Variants in FBXL3 observed in about 807,000 individuals in gnomAD.
The protein encoded by FBXL3 is F-box/LRR-repeat protein 3.
Under a neutral mutation model 37.9 loss-of-function variants are expected in FBXL3, and 14 were observed. The observed-to-expected ratio is 0.37, with a 90% CI of 0.24 to 0.58. The LOEUF is 0.58. Among genes scored for constraint, FBXL3 ranks in the 20% least tolerant of loss-of-function variants. FBXL3 has a pLI of 0.74. For missense variants in FBXL3, 327 were observed against 511.1 expected, an observed-to-expected ratio of 0.64 and a Z score of 3.47; for synonymous variants, 194 against 180.1, an observed-to-expected ratio of 1.08 and a Z score of -0.62.
At chr13:77,010,511 A>T (rs564813128) in intron 4 of FBXL3, 2 of 152,346 alleles carry the variant, frequency 1.3e-5, no homozygotes, top group East Asian at 3.9e-4. Flanking sequence ...AGCCCCTTTT[A>T]AAGCAGTTTC....
chr13:77,009,867 T>C (rs1490341827), intron 4 of FBXL3: 1 of 152,132 alleles, frequency 6.6e-6, no homozygotes, highest in Non-Finnish European at 1.5e-5. Context: ...TGCCCATCAA[T>C]GATAGACTAA....
In FBXL3 at chr13:77,007,134, T is replaced by C. The variant is rs545836683; in HGVS notation, c.*11A>G. 9 of 1,586,374 alleles carry C rather than the reference T, an allele frequency of 5.7e-6. No individual in the cohort carries two copies. Among genetic ancestry groups the C allele is most frequent in the Non-Finnish European group, 5.2e-6 (6 of 1,164,924 alleles). ...TTGCTTGAAATTAAGGTGCTATTCA[T>C]CATGCAGTTTTTACCAAGTGGGCAT... On this transcript the variant is annotated 3_prime_UTR_variant, in exon 5 of 5. Transcript: ENST00000355619.
rs2034626524 is a variant in FBXL3 at position 77,015,464 on chromosome 13, A to G, written c.588T>C (p.Asn196=). Residue 196 remains asparagine, a synonymous_variant, in exon 4 of 5, where the codon AAT becomes AAC. Coordinates refer to ENST00000355619, the MANE Select transcript of FBXL3 (RefSeq NM_012158.4). ...DPSLKVLVAN[N]SDTLKLLKMS... is the part of the protein sequence containing the mutation. ...TTTTCAACAGCTTGAGTGTATCACT[A>G]TTGTTGGCCACTAGTACTTTGAGAG... 6.2e-7 allele frequency: 1 copy of G among 1,607,192 alleles called. No homozygotes were observed. The highest frequency in any genetic ancestry group is 1.3e-5 in the African/African-American group (1 of 74,584).
Position 77,021,537 on chromosome 13 carries a change from G to A in FBXL3, c.324C>T (p.Asn108=). 1 of 1,612,944 alleles carries A rather than the reference G, an allele frequency of 6.2e-7. No individual in the cohort carries two copies. The highest frequency in any genetic ancestry group is 8.5e-7 in the Non-Finnish European group (1 of 1,179,080). ...LIKQIIKRHS[N]HLQYVSFKVD... is the part of the protein sequence containing the mutation. Reference sequence around the variant, plus strand: ...CCTTGAAGCTGACATATTGTAGATGGTTTGAATGTCTTTTAATAATCTGTT... The same window carrying A: ...CCTTGAAGCTGACATATTGTAGATGATTTGAATGTCTTTTAATAATCTGTT... Residue 108 remains asparagine, a synonymous_variant, in exon 2 of 5, where the codon AAC becomes AAT. Transcript: ENST00000355619.
chr13:77,016,009 A>T (rs1367583396), intron 3 of FBXL3: 3 of 152,380 alleles, frequency 2.0e-5, no homozygotes, highest in African/African-American at 4.8e-5. Context: ...ATCATTAAAA[A>T]TTAATAATTT....
At chr13:77,014,278 C>G (rs967680917) in intron 4 of FBXL3, 1 of 152,232 alleles carries the variant, frequency 6.6e-6, no homozygotes, top group African/African-American at 2.4e-5. Context: ...CGTGAGTGAC[C>G]AGCAAGAGAC....
At chr13:77,019,165 A>C (rs1454884977) in intron 2 of FBXL3, 1 of 152,468 alleles carries the variant, frequency 6.6e-6, no homozygotes, top group African/African-American at 2.4e-5. Context: ...AAAACTAAGT[A>C]TTTACTCAAA....
intron 2 of FBXL3, among the ~76,000 whole-genome samples, chr13:77,019,753 A>G (rs1239267239): frequency 6.6e-6 from 1 of 152,170 alleles, no homozygotes; most frequent in East Asian, 1.9e-4. Context: ...TCCTTGGTCT[A>G]TAATCAGTGA....
At chr13:77,024,357 C>T (rs1458837447) in intron 1 of FBXL3, among the ~76,000 whole-genome samples, 12 of 152,144 alleles carry the variant, frequency 7.9e-5, no homozygotes, top group Admixed American at 7.9e-4. Flanking sequence ...CCTAAAACTA[C>T]TCACAATTTT....
chr13:77,025,687 C>CAAAAAAA lies in FBXL3; in HGVS notation c.-2+1133_-2+1139dup, dbSNP rs35934318. Among the ~76,000 whole-genome samples, 41 of 73,956 alleles carry CAAAAAAA rather than the reference C, an allele frequency of 5.5e-4. 2 individuals are homozygous for CAAAAAAA. The highest frequency in any genetic ancestry group is 4.7e-3 in the East Asian group (10 of 2,134). The allele number at this position is 73,956 out of a possible 152,430, so 48.5% of individuals were successfully genotyped here. A position where few individuals can be genotyped will look rare whatever the true frequency, so the allele number is the denominator to read the frequency against. On this transcript the variant is annotated intron_variant, in intron 1 of 4. Coordinates refer to ENST00000355619, the MANE Select transcript of FBXL3 (RefSeq NM_012158.4). The stretch of plus-strand genomic sequence containing the variant: ...TGGGTGACAAAGTGAGTCCTTGTCT[C>CAAAAAAA]AAAAAAAAAAAAAAAAAAAAAAAAA...
At chr13:77,012,535 ATAAT>A (rs2034572871) in intron 4 of FBXL3, among the ~76,000 whole-genome samples, 1 of 152,218 alleles carries the variant, frequency 6.6e-6, no homozygotes, top group Admixed American at 6.5e-5. Context: ...GTTCAACCTG[ATAAT>A]TAATATTAAG....
chr13:77,022,774 C>CA (rs1290355438), intron 1 of FBXL3, among the ~76,000 whole-genome samples: 1 of 152,148 alleles, frequency 6.6e-6, no homozygotes, highest in Admixed American at 6.5e-5. Context: ...TTAGCACTTT[C>CA]ATTCCATTAG....
In FBXL3 at chr13:77,027,134, G is replaced by T. The variant is rs1278599077; in HGVS notation, c.-309C>A. Reference sequence around the variant, plus strand: ...GCGGCTGCCACCGCGTAAGCTTCCTGCACCTGGGCCACAAACAGCGAGTCT... The same window carrying T: ...GCGGCTGCCACCGCGTAAGCTTCCTTCACCTGGGCCACAAACAGCGAGTCT... On this transcript the variant is annotated 5_prime_UTR_variant, in exon 1 of 5. Transcript: ENST00000355619. The T allele has an allele frequency of 6.7e-6, 1 of 150,076 alleles. No individual in the cohort carries two copies. The highest frequency in any genetic ancestry group is 6.7e-5 in the Admixed American group (1 of 14,898). The allele number at this position is 150,076 out of a possible 1,614,324, so 9.3% of individuals were successfully genotyped here.
At chr13:77,011,344 C>CAAAAAAAAAA (rs34255078) in intron 4 of FBXL3, among the ~76,000 whole-genome samples, 34 of 74,936 alleles carry the variant, frequency 4.5e-4, no homozygotes, top group African/African-American at 1.7e-3. Context: ...ACTTTGTCTC[C>CAAAAAAAAAA]AAAAAAAAAA....
rs1306747558 is a variant in FBXL3, at chr13:77,011,267, G to A, written c.644-3479C>T. On this transcript the variant is annotated intron_variant, in intron 4 of 4. Transcript: ENST00000355619. ...AGGCAGGAGAATCACCTGAACCCGG[G>A]AGGCGGAGGTTGCAGTGAGCCGAGA... 2.0e-5 allele frequency among the ~76,000 whole-genome samples: 3 copies of A among 150,992 alleles called. No homozygotes were observed. In the East Asian group the frequency reaches 5.8e-4, roughly 29 times the overall value.
intron 2 of FBXL3, 108 bp downstream of exon 2, chr13:77,021,404 AT>A: frequency 3.8e-6 from 3 of 787,860 alleles, no homozygotes; most frequent in Non-Finnish European, 5.8e-6. Context: ...ATTTTTAAGC[AT>A]TTTCCCTGAA....
At chr13:77,019,932 A>G (rs1013748201) in intron 2 of FBXL3, among the ~76,000 whole-genome samples, 2 of 152,088 alleles carry the variant, frequency 1.3e-5, no homozygotes, top group Non-Finnish European at 2.9e-5. Context: ...TCACAGGGCT[A>G]TAAAAATGAC....
chr13:77,019,019 G>C (rs1047373287), intron 2 of FBXL3: 1 of 222,594 alleles, frequency 4.5e-6, no homozygotes, highest in African/African-American at 2.3e-5. Flanking sequence ...ATTTAATGTT[G>C]GCTTTTACAC....
chr13:77,022,500 G>A (rs1391716662), intron 1 of FBXL3, among the ~76,000 whole-genome samples: 1 of 152,146 alleles, frequency 6.6e-6, no homozygotes, highest in Non-Finnish European at 1.5e-5. Context: ...TAGGTTGTGC[G>A]CTCCTTATGA....
Sources: allele counts gnomAD v4.1 joint callset (sites outside exome capture counted in the v4.1 genomes callset), GRCh38; gene constraint gnomAD v4.1.1; transcripts MANE v1.5; gene names NCBI Gene and HGNC (gene_info 2026-07-23, HGNC 2026-07-21).